JAKMIP1: variants seen among roughly 807,000 people sequenced by gnomAD.
The protein encoded by JAKMIP1 is janus kinase and microtubule-interacting protein 1.
JAKMIP1 carries 33 observed loss-of-function variants against 113.0 expected under a neutral mutation model. The observed-to-expected ratio is 0.29, with a 90% CI of 0.22 to 0.39. JAKMIP1 has a LOEUF of 0.39. JAKMIP1 is among the 10% of genes least tolerant of loss of function. The pLI, the probability that JAKMIP1 is intolerant of heterozygous loss-of-function variation, is 1.00. For missense variants in JAKMIP1, 813 were observed against 1,080.5 expected (o/e 0.75, Z 3.47); for synonymous variants, 480 against 459.9 (o/e 1.04, Z -0.56).
chr4:6,075,557 C>G (rs547426906), intron 8 of JAKMIP1, among the ~76,000 whole-genome samples: 2 of 152,314 alleles, frequency 1.3e-5, no homozygotes, highest in East Asian at 3.9e-4. Flanking sequence ...ACCCTAAACC[C>G]ATTCAGGAAA....
chr4:6,080,642 C>G lies in JAKMIP1; in HGVS notation c.1102-330G>C, dbSNP rs990901836. On this transcript the variant is annotated intron_variant, in intron 6 of 20. Transcript: ENST00000409021. This position sits in a 1 kb window ranked among gnomAD's most constrained non-coding sequence, Gnocchi z 6.0. Reference sequence around the variant, plus strand: ...TTACTTGGCTCTCAGTCTGTCTTGTCTGCCGCCAAGTAAGATGTGCCTTTA... The same window carrying G: ...TTACTTGGCTCTCAGTCTGTCTTGTGTGCCGCCAAGTAAGATGTGCCTTTA... 5.3e-5 allele frequency among the ~76,000 whole-genome samples: 8 copies of G among 152,304 alleles called. No individual in the cohort carries two copies. In the South Asian group the frequency reaches 1.4e-3, roughly 28 times the overall value.
chr4:6,091,358 A>AT lies in JAKMIP1; in HGVS notation c.625-5730dup, dbSNP rs1405909994. Among the ~76,000 whole-genome samples the AT allele has an allele frequency of 4.0e-3, 613 of 151,992 alleles. 1 individual carries two copies. The highest frequency in any genetic ancestry group is 0.014 in the African/African-American group (588 of 41,348). On this transcript the variant is annotated intron_variant, in intron 3 of 20. Coordinates refer to ENST00000409021, the MANE Select transcript of JAKMIP1 (RefSeq NM_001099433.2). ...CGTCTCTTGTGCAAATACACAGAGTATTTTTTCCCCCATTTTACTTCTCTT... is the reference window on the plus strand; with the variant it reads ...CGTCTCTTGTGCAAATACACAGAGTATTTTTTTCCCCCATTTTACTTCTCTT...
At position 6,180,272 on chromosome 4, in the gene JAKMIP1, C is replaced by G. The variant is rs1725868706; in HGVS notation, c.-148+19981G>C. On this transcript the variant is annotated intron_variant, in intron 1 of 20. Coordinates refer to ENST00000409021, the MANE Select transcript of JAKMIP1 (RefSeq NM_001099433.2). The surrounding 1 kb of genome is among the most constrained non-coding windows in gnomAD (Gnocchi z 4.5). ...AAATTGCTACTCGTAACATTCAGAA[C>G]CCACAAAAAATTCTCATCAAATAGA... Among the ~76,000 whole-genome samples, 2 of 152,158 alleles carry G rather than the reference C, an allele frequency of 1.3e-5. No homozygotes were observed. The highest frequency in any genetic ancestry group is 4.8e-5 in the African/African-American group (2 of 41,438).
chr4:6,102,243 T>C (rs1217051755), intron 3 of JAKMIP1, among the ~76,000 whole-genome samples: 1 of 152,238 alleles, frequency 6.6e-6, no homozygotes, highest in Non-Finnish European at 1.5e-5. Context: ...ATGTAGACTT[T>C]GATAAACTCA....
chr4:6,052,351 A>G (rs2108769533), intron 13 of JAKMIP1, among the ~76,000 whole-genome samples: 1 of 152,294 alleles, frequency 6.6e-6, no homozygotes, highest in Admixed American at 6.5e-5. Flanking sequence ...TATATGAACA[A>G]AAGTCATTTT....
chr4:6,101,645 G>A (rs1279353763), intron 3 of JAKMIP1, among the ~76,000 whole-genome samples: 1 of 149,922 alleles, frequency 6.7e-6, no homozygotes, highest in Non-Finnish European at 1.5e-5. Context: ...CTAGCACTTT[G>A]GGAGGCCAAG....
intron 1 of JAKMIP1, among the ~76,000 whole-genome samples, chr4:6,128,665 C>T (rs534688983): frequency 1.3e-5 from 2 of 152,192 alleles, no homozygotes; most frequent in Non-Finnish European, 2.9e-5. Context: ...CCGGGGCTCG[C>T]TCCCCACGTG....
rs1278022255 is a variant in JAKMIP1 at position 6,067,562 on chromosome 4, G to GGAGTGAT, written c.1303-2561_1303-2555dup. Among the ~76,000 whole-genome samples the GGAGTGAT allele has an allele frequency of 6.9e-6, 1 of 144,028 alleles. No individual in the cohort carries two copies. Among genetic ancestry groups the GGAGTGAT allele is most frequent in the Non-Finnish European group, 1.5e-5 (1 of 65,576 alleles). 94.5% of individuals were successfully genotyped at this position (144,028 alleles called of 152,430 possible). A position where few individuals can be genotyped will look rare whatever the true frequency, so the allele number is the denominator to read the frequency against. On this transcript the variant is annotated intron_variant, in intron 8 of 20. Transcript: ENST00000409021. This position sits in a 1 kb window ranked among gnomAD's most constrained non-coding sequence, Gnocchi z 4.6. ...TCCCATGGTGACAATGGCACCCACG[G>GGAGTGAT]GAGTGATGCATCTGCAGCACTCAAG... is the stretch of plus-strand genomic sequence containing the variant.
intron 7 of JAKMIP1, among the ~76,000 whole-genome samples, chr4:6,079,438 T>C (rs1164321126): frequency 6.6e-6 from 1 of 152,090 alleles, no homozygotes; most frequent in African/African-American, 2.4e-5. Flanking sequence ...AAAATGAACA[T>C]GAAAATTATA....
rs746368286 is a variant in JAKMIP1 at position 6,112,835 on chromosome 4, G to A, written c.16C>T (p.Arg6Trp). Residue 6 changes from arginine (R) to tryptophan (W), a missense_variant, in exon 2 of 21, where the codon CGG (arginine) becomes TGG (tryptophan). Physicochemically the swap from Arg to Trp is moderately radical, Grantham distance 101. Coordinates refer to ENST00000409021, the MANE Select transcript of JAKMIP1 (RefSeq NM_001099433.2). MSKKGRSKGEKPEMET... is the reference protein window; with the variant it reads MSKKGWSKGEKPEMET... The stretch of plus-strand genomic sequence containing the variant: ...ATCTCGGGCTTCTCGCCCTTGCTCC[G>A]GCCTTTCTTCGACATGCTTCCCCTT... 16 of 1,613,746 alleles carry A rather than the reference G, an allele frequency of 9.9e-6. No individual in the cohort carries two copies. The highest frequency in any genetic ancestry group is 6.7e-5 in the Admixed American group (4 of 60,006).
At chr4:6,170,268 C>CCACCACCACCTCTAT in intron 1 of JAKMIP1, among the ~76,000 whole-genome samples, 1 of 148,348 alleles carries the variant, frequency 6.7e-6, no homozygotes, top group South Asian at 2.2e-4. Context: ...CTCACCACCA[C>CCACCACCACCTCTAT]CACCACCATC....
intron 12 of JAKMIP1, chr4:6,054,930 G>A (rs755746118): frequency 6.7e-6 from 3 of 445,950 alleles, no homozygotes; most frequent in South Asian, 3.1e-5. Flanking sequence ...ATGAGGGGGT[G>A]AGGGTTTTCT....
In JAKMIP1 at chr4:6,081,803, G is replaced by T. The variant is rs753889409; in HGVS notation, c.955-48C>A. On this transcript the variant is annotated intron_variant, in intron 5 of 20. Transcript: ENST00000409021. This position sits in a 1 kb window ranked among gnomAD's most constrained non-coding sequence, Gnocchi z 4.6. ...AGGCTCAGACAACTTGACGACGGACGGCCGAGGTCACAGCACCGAGGTGAG... is the reference window on the plus strand; with the variant it reads ...AGGCTCAGACAACTTGACGACGGACTGCCGAGGTCACAGCACCGAGGTGAG... The T allele has an allele frequency of 1.9e-6, 3 of 1,610,870 alleles. No homozygotes were observed. In the East Asian group the frequency reaches 6.7e-5, roughly 36 times the overall value.
chr4:6,128,879 C>T (rs1287738056), intron 1 of JAKMIP1, among the ~76,000 whole-genome samples: 1 of 152,224 alleles, frequency 6.6e-6, no homozygotes, highest in East Asian at 1.9e-4. Context: ...AGAGATAAAA[C>T]AGCAGTAACA....
At chr4:6,056,792 T>C (rs777749346) in intron 11 of JAKMIP1, 33 bp from the exon 12 acceptor site, 3 of 1,476,386 alleles carry the variant, frequency 2.0e-6, no homozygotes, top group South Asian at 1.1e-5. Context: ...GTCACATTCA[T>C]GGAAGCAAAC....
At chr4:6,122,788 A>T (rs1716895242) in intron 1 of JAKMIP1, among the ~76,000 whole-genome samples, 1 of 152,194 alleles carries the variant, frequency 6.6e-6, no homozygotes, top group Non-Finnish European at 1.5e-5. Context: ...CTCAGGAGCC[A>T]GAGTGACTGG....
rs932324827 is a variant in JAKMIP1, at chr4:6,153,821, G to A, written c.-147-40824C>T. ...TATATTTTCCCTAATGCACACTAAA[G>A]TATTATTAAAATAAATTATGTTTGG... On this transcript the variant is annotated intron_variant, in intron 1 of 20. Coordinates refer to ENST00000409021, the MANE Select transcript of JAKMIP1 (RefSeq NM_001099433.2). This position sits in a 1 kb window ranked among gnomAD's most constrained non-coding sequence, Gnocchi z 4.9. Among the ~76,000 whole-genome samples, 11 of 152,278 alleles carry A rather than the reference G, an allele frequency of 7.2e-5. No homozygotes were observed. Among genetic ancestry groups the A allele is most frequent in the Admixed American group, 2.0e-4 (3 of 15,300 alleles).
At chr4:6,172,243 C>G (rs1022828010) in intron 1 of JAKMIP1, among the ~76,000 whole-genome samples, 6 of 152,296 alleles carry the variant, frequency 3.9e-5, no homozygotes, top group East Asian at 3.9e-4. Flanking sequence ...GAGCACTGGC[C>G]GAGAAGCCAG....
intron 1 of JAKMIP1, among the ~76,000 whole-genome samples, chr4:6,164,633 C>G (rs973483404): frequency 6.6e-6 from 1 of 152,210 alleles, no homozygotes; most frequent in Non-Finnish European, 1.5e-5. Flanking sequence ...GGAAAAGATT[C>G]ATCATTCTAG....
Sources: allele counts gnomAD v4.1 joint callset (sites outside exome capture counted in the v4.1 genomes callset), GRCh38; gene constraint gnomAD v4.1.1; non-coding constraint Gnocchi (gnomAD v3.1); transcripts MANE v1.5; gene names NCBI Gene and HGNC (gene_info 2026-07-23, HGNC 2026-07-21).